KRAS: variants seen among roughly 807,000 people sequenced by gnomAD.
The protein encoded by KRAS is GTPase KRas.
A neutral mutation model predicts 21.0 loss-of-function variants in KRAS; 1 was observed. The observed-to-expected ratio is 0.05, with a 90% CI of 0.02 to 0.23. The LOEUF (loss-of-function observed/expected upper bound fraction) is 0.23, where lower values mean the gene tolerates loss of function less well. Ranked by LOEUF, KRAS falls within the 10% of genes least tolerant of loss-of-function variation. The probability of loss-of-function intolerance (pLI) is 1.00; values close to 1 mark genes in which losing one functional copy is unlikely to be tolerated. For synonymous variants in KRAS, 67 were observed against 72.5 expected (o/e 0.92, Z 0.39); for missense variants, 107 against 221.8 (o/e 0.48, Z 3.29).
intron 1 of KRAS, among the ~76,000 whole-genome samples, chr12:25,249,508 C>T (rs1951735553): frequency 7.3e-6 from 1 of 137,670 alleles, no homozygotes; most frequent in East Asian, 2.5e-4. Context: ...AGGAGAATTG[C>T]TTGAACCCAG....
chr12:25,207,636 G>A lies in KRAS; in HGVS notation c.*2159C>T, dbSNP rs1447269995. 2 of 231,596 alleles carry A rather than the reference G, an allele frequency of 8.6e-6. No individual in the cohort carries two copies. Among genetic ancestry groups the A allele is most frequent in the Non-Finnish European group, 1.7e-5 (2 of 117,132 alleles). 14.3% of individuals were successfully genotyped at this position (231,596 alleles called of 1,614,324 possible). ...TAGTCCTAGTTATAGATTACCTAAG[G>A]AATTCTTTCAGCACTATCTTTATTA... is the stretch of plus-strand genomic sequence containing the variant. On this transcript the variant is annotated 3_prime_UTR_variant, in exon 5 of 5. Transcript: ENST00000311936.
chr12:25,247,964 T>C (rs1299525747), intron 1 of KRAS, among the ~76,000 whole-genome samples: 1 of 152,186 alleles, frequency 6.6e-6, no homozygotes, highest in Non-Finnish European at 1.5e-5. Context: ...TAAAAAATTG[T>C]TTTAATTTCC....
chr12:25,233,889 T>C (rs996797813), intron 2 of KRAS: 1 of 191,904 alleles, frequency 5.2e-6, no homozygotes, highest in Non-Finnish European at 1.1e-5. Context: ...TTAACATAAA[T>C]ACAATTTAAC....
Position 25,206,516 on chromosome 12 carries a change from C to T in KRAS, c.*3279G>A. 1 of 181,124 alleles carries T rather than the reference C, an allele frequency of 5.5e-6. No individual in the cohort carries two copies. The highest frequency in any genetic ancestry group is 1.1e-5 in the Non-Finnish European group (1 of 89,450). The allele number at this position is 181,124 out of a possible 1,614,324, so 11.2% of individuals were successfully genotyped here. ...ATCTTTTGTTAAACCATTCAAAGTT[C>T]ACATAAAGGTAATTAACCACTACCT... On this transcript the variant is annotated 3_prime_UTR_variant, in exon 5 of 5. Coordinates refer to ENST00000311936, the MANE Select transcript of KRAS (RefSeq NM_004985.5).
intron 4 of KRAS, among the ~76,000 whole-genome samples, chr12:25,213,039 C>T (rs993634595): frequency 3.9e-5 from 6 of 152,158 alleles, no homozygotes; most frequent in African/African-American, 1.2e-4. Flanking sequence ...GCTGATACTA[C>T]AGGCACACAC....
intron 4 of KRAS, chr12:25,215,214 T>C: frequency 5.7e-6 from 4 of 704,148 alleles, no homozygotes; most frequent in Non-Finnish European, 7.0e-6. Context: ...TTAGACTTTA[T>C]GCCAAATATA....
chr12:25,239,736 C>T (rs59092193), intron 2 of KRAS, among the ~76,000 whole-genome samples: 3,043 of 152,120 alleles, frequency 0.02, 79 homozygotes, highest in African/African-American at 0.07. Flanking sequence ...GGGCAGATCA[C>T]GAGGTCAGGA....
rs1447832608 is a variant in KRAS, at chr12:25,207,976, C to A, written c.*1819G>T. 2 of 233,010 alleles carry A rather than the reference C, an allele frequency of 8.6e-6. No homozygotes were observed. Among genetic ancestry groups the A allele is most frequent in the Non-Finnish European group, 1.7e-5 (2 of 118,024 alleles). The allele number at this position is 233,010 out of a possible 1,614,324, so 14.4% of individuals were successfully genotyped here. On this transcript the variant is annotated 3_prime_UTR_variant, in exon 5 of 5. Transcript: ENST00000311936. ...ATGGGGCATGTGGAAGGTAGGGAGG[C>A]AAGATGACACTAATATGGAAGAAGA...
At chr12:25,232,519 C>G (rs1001008111) in intron 2 of KRAS, among the ~76,000 whole-genome samples, 2 of 152,084 alleles carry the variant, frequency 1.3e-5, no homozygotes. Flanking sequence ...CACAGAGATT[C>G]TGTAATGAAA....
Position 25,225,623 on chromosome 12 carries a change from C to T in KRAS, c.441G>A (p.Lys147=), listed in dbSNP as rs2141505570. The change falls in exon 4 of 5, where the codon AAG becomes AAA. Residue 147 remains lysine, a synonymous_variant. Transcript: ENST00000311936. ...YGIPFIETSA[K]TRQGVDDAFY... ...TTTCAGTGTTACTTACCTGTCTTGT[C>T]TTTGCTGATGTTTCAATAAAAGGAA... The T allele has an allele frequency of 6.2e-7, 1 of 1,612,936 alleles. No homozygotes were observed. Among genetic ancestry groups the T allele is most frequent in the Non-Finnish European group, 8.5e-7 (1 of 1,179,414 alleles).
chr12:25,249,345 C>G (rs1040656545), intron 1 of KRAS, among the ~76,000 whole-genome samples: 1 of 151,990 alleles, frequency 6.6e-6, no homozygotes, highest in African/African-American at 2.4e-5. Flanking sequence ...TGCAGTGAGC[C>G]GAGACGGCGC....
At chr12:25,235,344 G>C (rs1413201426) in intron 2 of KRAS, 1 of 400,818 alleles carries the variant, frequency 2.5e-6, no homozygotes, top group African/African-American at 2.0e-5. Flanking sequence ...CCGTTTATAA[G>C]CCATCAAAGA....
At chr12:25,239,092 T>C (rs1951578078) in intron 2 of KRAS, among the ~76,000 whole-genome samples, 1 of 152,202 alleles carries the variant, frequency 6.6e-6, no homozygotes, top group South Asian at 2.1e-4. Flanking sequence ...AGTACAGAAA[T>C]GTTATTTATT....
At chr12:25,245,750 A>AG (rs779601423) in intron 1 of KRAS, among the ~76,000 whole-genome samples, 3 of 152,144 alleles carry the variant, frequency 2.0e-5, no homozygotes, top group Non-Finnish European at 4.4e-5. Flanking sequence ...ACTCATGTAG[A>AG]GACTTCACAG....
At chr12:25,213,625 G>C (rs1951222558) in intron 4 of KRAS, among the ~76,000 whole-genome samples, 1 of 152,134 alleles carries the variant, frequency 6.6e-6, no homozygotes, top group Non-Finnish European at 1.5e-5. Flanking sequence ...TTGGGATTGA[G>C]TCTACTATTC....
intron 2 of KRAS, among the ~76,000 whole-genome samples, chr12:25,242,145 A>G (rs567775653): frequency 1.4e-4 from 22 of 152,342 alleles, no homozygotes; most frequent in African/African-American, 4.6e-4. Context: ...ACTGAATAGG[A>G]AACTGTTCCA....
rs121913529 is a variant in KRAS at position 25,245,350 on chromosome 12, C to A, written c.35G>T (p.Gly12Val). The part of the protein sequence containing the change: ...TEYKLVVVGA[G>V]GVGKSALTIQ... ...CGTCAAGGCACTCTTGCCTACGCCA[C>A]CAGCTCCAACTACCACAAGTTTATA... is the stretch of plus-strand genomic sequence containing the variant. The change falls in exon 2 of 5, where the codon GGT becomes GTT. Residue 12 changes from glycine to valine, a missense_variant. Physicochemically the swap from Gly to Val is moderately radical, Grantham distance 109. Coordinates refer to ENST00000311936, the MANE Select transcript of KRAS (RefSeq NM_004985.5). The A allele has an allele frequency of 6.2e-7, 1 of 1,612,866 alleles. No individual in the cohort carries two copies. The highest frequency in any genetic ancestry group is 8.5e-7 in the Non-Finnish European group (1 of 1,179,302).
chr12:25,231,736 G>T (rs1235032129), intron 2 of KRAS, among the ~76,000 whole-genome samples: 1 of 152,148 alleles, frequency 6.6e-6, no homozygotes, highest in African/African-American at 2.4e-5. Flanking sequence ...AAAGGTTTAG[G>T]TTAAAAATTC....
At chr12:25,234,473 T>C (rs1359485660) in intron 2 of KRAS, 1 of 182,540 alleles carries the variant, frequency 5.5e-6, no homozygotes, top group Admixed American at 6.3e-5. Flanking sequence ...TTCATATTTT[T>C]AAATTTTTGT....
Sources: gnomAD v4.1 joint callset for allele counts (sites outside exome capture counted in the v4.1 genomes callset) on GRCh38, gnomAD v4.1.1 for gene constraint, MANE v1.5 for transcripts, NCBI Gene and HGNC (gene_info 2026-07-23, HGNC 2026-07-21) for gene names.